The following LMNB1 variants were observed in gnomAD, a reference collection of about 807,000 sequenced individuals.
LMNB1 encodes the protein lamin B1, also known as lamin-B1.
A neutral mutation model predicts 67.1 loss-of-function variants in LMNB1; 23 were observed. The ratio of observed to expected loss-of-function variants is 0.34; its 90% CI spans 0.25 to 0.49. LMNB1 has a LOEUF of 0.49. LMNB1 is among the 20% of genes least tolerant of loss of function. LMNB1 has a pLI of 0.99. For missense variants in LMNB1, 634 were observed against 746.5 expected (o/e 0.85, Z 1.76); for synonymous variants, 281 against 282.9 (o/e 0.99, Z 0.07).
chr5:126,778,036 T>C (rs933779912), intron 1 of LMNB1, among the ~76,000 whole-genome samples, 169 bp downstream of exon 1: 1 of 152,096 alleles, frequency 6.6e-6, no homozygotes, highest in African/African-American at 2.4e-5. Context: ...CTAGAGTTCA[T>C]AGCGGAGCAG....
chr5:126,798,385 GC>G (rs1449613100), intron 1 of LMNB1, among the ~76,000 whole-genome samples: 3 of 152,120 alleles, frequency 2.0e-5, no homozygotes, highest in South Asian at 4.1e-4. Context: ...AGGAGGCGGA[GC>G]TTGCAGTGAG....
intron 1 of LMNB1, among the ~76,000 whole-genome samples, chr5:126,782,006 A>G (rs1261937262): frequency 6.6e-6 from 1 of 152,228 alleles, no homozygotes; most frequent in Non-Finnish European, 1.5e-5. Flanking sequence ...GATTCAGTCC[A>G]AGACTGATTA....
intron 1 of LMNB1, among the ~76,000 whole-genome samples, chr5:126,796,876 A>G (rs1751110025): frequency 7.2e-6 from 1 of 139,078 alleles, no homozygotes; most frequent in African/African-American, 2.7e-5. Context: ...CAACCTCCAC[A>G]CCCCCAGATT....
intron 9 of LMNB1, among the ~76,000 whole-genome samples, chr5:126,829,839 G>A (rs926721238): frequency 1.3e-5 from 2 of 151,980 alleles, no homozygotes; most frequent in African/African-American, 2.4e-5. Flanking sequence ...TGTGACACAC[G>A]TGTGCTCCAT....
intron 1 of LMNB1, among the ~76,000 whole-genome samples, chr5:126,788,673 T>C (rs1195343635): frequency 6.6e-6 from 1 of 151,894 alleles, no homozygotes; most frequent in Non-Finnish European, 1.5e-5. Flanking sequence ...AAAAGAGAGG[T>C]GAGTCATGGA....
chr5:126,817,863 C>T (rs1751752165), intron 5 of LMNB1, among the ~76,000 whole-genome samples: 1 of 152,170 alleles, frequency 6.6e-6, no homozygotes, highest in Non-Finnish European at 1.5e-5. Flanking sequence ...AGCTATCCAT[C>T]AGTCTTTTTG....
chr5:126,801,166 G>A (rs1751279766), intron 1 of LMNB1, among the ~76,000 whole-genome samples: 1 of 150,000 alleles, frequency 6.7e-6, no homozygotes, highest in Admixed American at 6.7e-5. Flanking sequence ...TTTATTTTTA[G>A]TAGAGATGGG....
At chr5:126,782,188 A>G (rs1402936873) in intron 1 of LMNB1, among the ~76,000 whole-genome samples, 2 of 152,242 alleles carry the variant, frequency 1.3e-5, no homozygotes, top group African/African-American at 4.8e-5. Context: ...TCAGTCTTCA[A>G]TAACTGATTT....
In LMNB1 at chr5:126,836,410, T is replaced by C; in HGVS notation, c.*146T>C. ...AAATCTGATGGCCTTAATTTCCTTT[T>C]TGACACTGAAAGTTTTGTAAAAGAA... On this transcript the variant is annotated 3_prime_UTR_variant, in exon 11 of 11. Coordinates refer to ENST00000261366, the MANE Select transcript of LMNB1 (RefSeq NM_005573.4). The C allele has an allele frequency of 1.7e-6, 1 of 602,260 alleles. No individual in the cohort carries two copies. Among genetic ancestry groups the C allele is most frequent in the Non-Finnish European group, 2.9e-6 (1 of 340,024 alleles). The allele number at this position is 602,260 out of a possible 1,614,324, so 37.3% of individuals were successfully genotyped here.
At position 126,777,364 on chromosome 5, in the gene LMNB1, C is replaced by A; in HGVS notation, c.-145C>A. The A allele has an allele frequency of 3.1e-6, 3 of 964,234 alleles. No homozygotes were observed. The highest frequency in any genetic ancestry group is 4.0e-6 in the Non-Finnish European group (3 of 744,990). 59.7% of individuals were successfully genotyped at this position (964,234 alleles called of 1,614,324 possible). On this transcript the variant is annotated 5_prime_UTR_variant, in exon 1 of 11. Transcript: ENST00000261366. ...AATCGAGCTCCCGCCATCCCAGGTG[C>A]TTCTCCGTTCCTCTAAACGCCAGCG...
chr5:126,800,764 C>T (rs190149567), intron 1 of LMNB1, among the ~76,000 whole-genome samples: 1,478 of 146,328 alleles, frequency 0.01, 19 homozygotes, highest in African/African-American at 0.032. Flanking sequence ...GCGATTCTCC[C>T]GCCTCAGCCT....
chr5:126,832,846 C>A, intron 10 of LMNB1, 45 bp downstream of exon 10: 1 of 1,284,508 alleles, frequency 7.8e-7, no homozygotes, highest in Non-Finnish European at 1.1e-6. Context: ...ATTTTATTCA[C>A]AGAATTACAT....
At chr5:126,812,978 C>CTCG (rs1751616187) in intron 5 of LMNB1, among the ~76,000 whole-genome samples, 2 of 152,158 alleles carry the variant, frequency 1.3e-5, no homozygotes, top group African/African-American at 4.8e-5. Context: ...ATCCACCCGC[C>CTCG]TCGGCTTCCC....
chr5:126,805,503 G>T lies in LMNB1; in HGVS notation c.517-68G>T. 3 of 1,029,790 alleles carry T rather than the reference G, an allele frequency of 2.9e-6. No homozygotes were observed. In the East Asian group the frequency reaches 7.3e-5, roughly 25 times the overall value. 63.8% of individuals were successfully genotyped at this position (1,029,790 alleles called of 1,614,324 possible). ...AACACTTGATTTGATTTGATTCATAGATATCTTATGTTCATTATTAAATGA... is the reference window on the plus strand; with the variant it reads ...AACACTTGATTTGATTTGATTCATATATATCTTATGTTCATTATTAAATGA... On this transcript the variant is annotated intron_variant, in intron 2 of 10. Transcript: ENST00000261366.
intron 1 of LMNB1, among the ~76,000 whole-genome samples, chr5:126,781,636 G>A (rs1356970244): frequency 2.0e-5 from 3 of 151,914 alleles, no homozygotes; most frequent in Admixed American, 6.6e-5. Context: ...GGGTTTCACC[G>A]TGTTGGCCAG....
At chr5:126,830,007 T>TA (rs1346200026) in intron 9 of LMNB1, among the ~76,000 whole-genome samples, 2 of 151,116 alleles carry the variant, frequency 1.3e-5, no homozygotes. Flanking sequence ...AGAATATAGA[T>TA]ATAATGGAAA....
rs70997314 is a variant in LMNB1, at chr5:126,795,933, C to CTTTTTTTTTTTTTTTTTTTTT, written c.360-8827_360-8826insTTTTTTTTTTTTTTTTTTTTT. Among the ~76,000 whole-genome samples the CTTTTTTTTTTTTTTTTTTTTT allele has an allele frequency of 3.3e-4, 27 of 82,094 alleles. 5 individuals carry two copies. Among genetic ancestry groups the CTTTTTTTTTTTTTTTTTTTTT allele is most frequent in the African/African-American group, 9.5e-4 (21 of 22,168 alleles). The allele number at this position is 82,094 out of a possible 152,430, so 53.9% of individuals were successfully genotyped here. On this transcript the variant is annotated intron_variant, in intron 1 of 10. Transcript: ENST00000261366. ...GAGCCACTGCGCCTGGCCCAGGATG[C>CTTTTTTTTTTTTTTTTTTTTT]TTTTTTTTTTTTTTTTGAGACGGAG...
In LMNB1 at chr5:126,805,647, G is replaced by T. The variant is rs1751397125; in HGVS notation, c.593G>T (p.Cys198Phe). ...TLLKVDLENRCQSLTEDLEFR... is the reference protein window; with the variant it reads ...TLLKVDLENRFQSLTEDLEFR... ...CTTAAAGTAGATTTGGAGAATCGTTGTCAGAGCCTTACTGAGGACTTGGAG... is the reference window on the plus strand; with the variant it reads ...CTTAAAGTAGATTTGGAGAATCGTTTTCAGAGCCTTACTGAGGACTTGGAG... Residue 198 changes from cysteine to phenylalanine, a missense_variant, in exon 3 of 11, where the codon TGT (cysteine) becomes TTT (phenylalanine). Transcript: ENST00000261366. 3.1e-6 allele frequency: 5 copies of T among 1,613,070 alleles called. No homozygotes were observed. Among genetic ancestry groups the T allele is most frequent in the African/African-American group, 1.3e-5 (1 of 74,922 alleles).
At chr5:126,811,358 A>C (rs1751573597) in intron 4 of LMNB1, among the ~76,000 whole-genome samples, 1 of 152,074 alleles carries the variant, frequency 6.6e-6, no homozygotes, top group Non-Finnish European at 1.5e-5. Flanking sequence ...GAATCTATAA[A>C]CTAGTATTTT....
Sources: gnomAD v4.1 joint callset for allele counts (sites outside exome capture counted in the v4.1 genomes callset) on GRCh38, gnomAD v4.1.1 for gene constraint, MANE v1.5 for transcripts, NCBI Gene and HGNC (gene_info 2026-07-23, HGNC 2026-07-21) for gene names.